CRADD: variants seen among roughly 807,000 people sequenced by gnomAD.
CRADD encodes the protein CARD and death domain containing adaptor protein.
In CRADD, 9 loss-of-function variants were observed where a neutral mutation model predicts 15.5. That is an observed-to-expected ratio of 0.58 (90% confidence interval 0.35 to 1.01). The LOEUF is 1.01. Ranked by LOEUF, CRADD falls within the 50% of genes least tolerant of loss-of-function variation. CRADD has a pLI of 0.02. For missense variants in CRADD, 227 were observed against 250.3 expected (o/e 0.91, Z 0.63); for synonymous variants, 118 against 107.6 (o/e 1.10, Z -0.60).
intron 2 of CRADD, among the ~76,000 whole-genome samples, chr12:93,783,291 C>T (rs1225924177): frequency 6.7e-6 from 1 of 149,288 alleles, no homozygotes; most frequent in Non-Finnish European, 1.5e-5. Flanking sequence ...ATGAGGAAAT[C>T]AAAGCAGAGA....
At chr12:93,781,068 T>C (rs894529314) in intron 2 of CRADD, among the ~76,000 whole-genome samples, 3 of 152,082 alleles carry the variant, frequency 2.0e-5, no homozygotes, top group Non-Finnish European at 4.4e-5. Flanking sequence ...TTGGTTACTT[T>C]TTTTTAAAGG....
chr12:93,733,352 G>A (rs1473796726), intron 2 of CRADD, among the ~76,000 whole-genome samples: 3 of 152,186 alleles, frequency 2.0e-5, no homozygotes, highest in African/African-American at 7.2e-5. Flanking sequence ...CTGTAGGTAG[G>A]GATTATATGA....
intron 2 of CRADD, among the ~76,000 whole-genome samples, chr12:93,749,564 T>G (rs1008816): frequency 6.6e-6 from 1 of 151,462 alleles, no homozygotes; most frequent in Non-Finnish European, 1.5e-5. Flanking sequence ...TTTAACTCAC[T>G]TATAAATAAT....
Position 93,678,749 on chromosome 12 carries a change from G to A in CRADD, c.-6-20G>A, listed in dbSNP as rs748739532. On this transcript the variant is annotated intron_variant, in intron 1 of 2. Transcript: ENST00000332896. ...CATCAACATGTCTGTAATTTGAGCT[G>A]TGATTTTGGCTCTTTCCAGGGAGAA... 1.4e-5 allele frequency: 22 copies of A among 1,599,580 alleles called. No homozygotes were observed. Among genetic ancestry groups the A allele is most frequent in the Non-Finnish European group, 1.8e-5 (21 of 1,172,424 alleles).
intron 2 of CRADD, among the ~76,000 whole-genome samples, chr12:93,875,040 G>A (rs1006689919): frequency 3.9e-5 from 6 of 152,014 alleles, no homozygotes; most frequent in Non-Finnish European, 8.8e-5. Context: ...AGCTGTTATT[G>A]TATTATGATC....
Position 93,678,898 on chromosome 12 carries a change from C to A in CRADD, c.124C>A (p.Gln42Lys). The stretch of plus-strand genomic sequence containing the variant: ...AGGAATCTTGACGGAAAACCATATT[C>A]AAGAAATCAATGCTCAAACCACAGG... ...QEGILTENHIQEINAQTTGLR... is the reference protein window; with the variant it reads ...QEGILTENHIKEINAQTTGLR... The change falls in exon 2 of 3, where the codon CAA (glutamine) becomes AAA (lysine). Residue 42 changes from glutamine (Q) to lysine (K), a missense_variant. Physicochemically the swap from Gln to Lys is moderately conservative, Grantham distance 53 (BLOSUM62 1). Transcript: ENST00000332896. 6.2e-7 allele frequency: 1 copy of A among 1,614,156 alleles called. No homozygotes were observed. The highest frequency in any genetic ancestry group is 8.5e-7 in the Non-Finnish European group (1 of 1,180,008).
chr12:93,807,368 A>G (rs1332144139), intron 2 of CRADD, among the ~76,000 whole-genome samples: 2 of 152,114 alleles, frequency 1.3e-5, no homozygotes. Flanking sequence ...TGGAGGGTGC[A>G]CCAAGGCTCA....
At chr12:93,707,838 T>G (rs1955984106) in intron 2 of CRADD, 1 of 152,216 alleles carries the variant, frequency 6.6e-6, no homozygotes, top group African/African-American at 2.4e-5. Flanking sequence ...TTCAGGTGGC[T>G]TAAAGTGCAA....
chr12:93,769,161 A>G (rs1957057155), intron 2 of CRADD, among the ~76,000 whole-genome samples: 1 of 152,116 alleles, frequency 6.6e-6, no homozygotes, highest in African/African-American at 2.4e-5. Context: ...GCTCACTGCA[A>G]TCCCACCTCC....
At chr12:93,885,459 T>TG (rs1036328734) in intron 2 of CRADD, among the ~76,000 whole-genome samples, 1 of 148,240 alleles carries the variant, frequency 6.7e-6, no homozygotes, top group African/African-American at 2.6e-5. Flanking sequence ...CCCAGTCTGG[T>TG]GCTTTTTCCT....
intron 2 of CRADD, among the ~76,000 whole-genome samples, chr12:93,873,239 G>GA (rs35321438): frequency 0.39 from 59,157 of 151,798 alleles, 12,117 homozygotes; most frequent in Middle Eastern, 0.5. Context: ...AAACACTACT[G>GA]TTTTTGTATG....
intron 2 of CRADD, among the ~76,000 whole-genome samples, chr12:93,711,055 C>CCCCCT: frequency 2.2e-3 from 94 of 43,504 alleles, no homozygotes; most frequent in South Asian, 5.3e-3. Context: ...CCACCCCCGC[C>CCCCCT]TTTTTTTTTT....
chr12:93,848,132 C>T (rs941143731), intron 2 of CRADD, among the ~76,000 whole-genome samples: 1 of 151,520 alleles, frequency 6.6e-6, no homozygotes, highest in Non-Finnish European at 1.5e-5. Context: ...TTCTTCTTTG[C>T]GCTGTTTTCT....
At chr12:93,802,404 C>T (rs950094675) in intron 2 of CRADD, among the ~76,000 whole-genome samples, 1 of 152,194 alleles carries the variant, frequency 6.6e-6, no homozygotes, top group Non-Finnish European at 1.5e-5. Context: ...AATCAGGGCT[C>T]TCTGAGCTTG....
At chr12:93,831,512 T>A (rs1371384856) in intron 2 of CRADD, 1 of 152,270 alleles carries the variant, frequency 6.6e-6, no homozygotes, top group African/African-American at 2.4e-5. Context: ...CCTCCTGTGC[T>A]TCGTCAGGTT....
chr12:93,719,124 TGA>T (rs1956215591), intron 2 of CRADD, among the ~76,000 whole-genome samples: 1 of 152,124 alleles, frequency 6.6e-6, no homozygotes. Context: ...TTTATCAAGT[TGA>T]GGAGATTCCC....
intron 2 of CRADD, among the ~76,000 whole-genome samples, chr12:93,876,709 A>C (rs777126527): frequency 6.6e-6 from 1 of 152,108 alleles, no homozygotes; most frequent in Non-Finnish European, 1.5e-5. Context: ...TATCTAATAG[A>C]ATTCTGAATT....
intron 2 of CRADD, among the ~76,000 whole-genome samples, chr12:93,684,196 T>C (rs1239051456): frequency 2.0e-5 from 3 of 152,214 alleles, no homozygotes; most frequent in African/African-American, 7.2e-5. Context: ...GTCTTGACCA[T>C]GTGCTAAACC....
intron 2 of CRADD, chr12:93,738,724 TC>T: frequency 2.7e-6 from 1 of 373,236 alleles, no homozygotes; most frequent in Non-Finnish European, 4.7e-6. Context: ...TTTCAGAAAA[TC>T]ACAAAAGATA....
Sources: gnomAD v4.1 joint callset for allele counts (sites outside exome capture counted in the v4.1 genomes callset) on GRCh38, gnomAD v4.1.1 for gene constraint, MANE v1.5 for transcripts, NCBI Gene and HGNC (gene_info 2026-07-23, HGNC 2026-07-21) for gene names.